The following SCLT1 variants were observed in gnomAD, a reference collection of about 807,000 sequenced individuals.
SCLT1 encodes sodium channel-associated protein 1.
Under a neutral mutation model 112.8 loss-of-function variants are expected in SCLT1, and 78 were observed. That is an observed-to-expected ratio of 0.69 (90% CI 0.58 to 0.83). The LOEUF (loss-of-function observed/expected upper bound fraction) is 0.83, where lower values mean the gene tolerates loss of function less well. SCLT1 is among the 40% of genes least tolerant of loss of function. SCLT1 has a pLI of 0.00. For missense variants in SCLT1, 747 were observed against 770.4 expected (o/e 0.97, Z 0.36); for synonymous variants, 257 against 254.7 (o/e 1.01, Z -0.09).
intron 2 of SCLT1, among the ~76,000 whole-genome samples, chr4:129,057,453 T>G (rs1007389835): frequency 6.7e-6 from 1 of 150,146 alleles, no homozygotes; most frequent in Non-Finnish European, 1.5e-5. Flanking sequence ...CCCAAGTAGC[T>G]AGGACTACAG....
chr4:128,904,155 A>G (rs1168684317), intron 18 of SCLT1, among the ~76,000 whole-genome samples: 2 of 152,154 alleles, frequency 1.3e-5, no homozygotes, highest in East Asian at 3.9e-4. Flanking sequence ...CAATTTCTCT[A>G]TAATTTCTGG....
In SCLT1 at chr4:128,931,168, G is replaced by A. The variant is rs192141627; in HGVS notation, c.1829+5487C>T. On this transcript the variant is annotated intron_variant, in intron 18 of 20. Coordinates refer to ENST00000281142, the MANE Select transcript of SCLT1 (RefSeq NM_144643.4). ...GAAACTAGGCAGAAGGTTTTTGGGG[G>A]GTTGGAAATTGTAATTTTTTTTTTC... Among the ~76,000 whole-genome samples, 4 of 151,654 alleles carry A rather than the reference G, an allele frequency of 2.6e-5. No homozygotes were observed. In the East Asian group the frequency reaches 7.8e-4, roughly 29 times the overall value.
intron 10 of SCLT1, among the ~76,000 whole-genome samples, chr4:128,967,204 T>G (rs1015205446): frequency 6.6e-6 from 1 of 152,250 alleles, no homozygotes; most frequent in African/African-American, 2.4e-5. Context: ...TTTTTATGGC[T>G]GTGTAGTATT....
intron 1 of SCLT1, among the ~76,000 whole-genome samples, chr4:129,087,755 TAAAA>T (rs71589026): frequency 7.7e-5 from 8 of 104,456 alleles, no homozygotes; most frequent in Admixed American, 1.0e-4. Context: ...TTGCGCAAGT[TAAAA>T]AAAAAAAAAA....
rs187959264 is a variant in SCLT1, at chr4:128,978,002, G to A, written c.687-7534C>T. ...ATGATGACTAGATTTGTGATCATCT[G>A]TACATAGAGCCAACACGAGCAGATG... On this transcript the variant is annotated intron_variant, in intron 9 of 20. Transcript: ENST00000281142. Among the ~76,000 whole-genome samples, 4 of 152,240 alleles carry A rather than the reference G, an allele frequency of 2.6e-5. No individual in the cohort carries two copies. In the East Asian group the frequency reaches 5.8e-4, roughly 22 times the overall value.
chr4:129,003,278 C>T (rs1247156409), intron 6 of SCLT1, among the ~76,000 whole-genome samples: 1 of 151,738 alleles, frequency 6.6e-6, no homozygotes, highest in Non-Finnish European at 1.5e-5. Context: ...ACACCAGGGC[C>T]TGTTGTGGGG....
chr4:129,023,924 T>C (rs1166606052), intron 5 of SCLT1, among the ~76,000 whole-genome samples: 2 of 152,034 alleles, frequency 1.3e-5, no homozygotes, highest in East Asian at 3.9e-4. Flanking sequence ...GCCCACGGAG[T>C]CTCGCTGATT....
chr4:129,004,205 T>C (rs568642330), intron 5 of SCLT1, among the ~76,000 whole-genome samples: 1 of 152,234 alleles, frequency 6.6e-6, no homozygotes, highest in East Asian at 1.9e-4. Flanking sequence ...AAATAAGCCA[T>C]TCAGAAAAAT....
At chr4:128,917,584 G>A (rs1210591109) in intron 18 of SCLT1, among the ~76,000 whole-genome samples, 2 of 152,024 alleles carry the variant, frequency 1.3e-5, no homozygotes, top group Non-Finnish European at 2.9e-5. Context: ...TGCTAAGTGA[G>A]GTGGGATACT....
chr4:129,090,789 AGGTGGAAGAAC>A (rs780116685), intron 1 of SCLT1, among the ~76,000 whole-genome samples: 2 of 152,184 alleles, frequency 1.3e-5, no homozygotes, highest in Non-Finnish European at 2.9e-5. Context: ...TCCCAGACAA[AGGTGGAAGAAC>A]GGTGCACAGC....
In SCLT1 at chr4:128,951,347, A is replaced by G. The variant is rs536976973; in HGVS notation, c.1218+1422T>C. Among the ~76,000 whole-genome samples, 6 of 152,284 alleles carry G rather than the reference A, an allele frequency of 3.9e-5. No individual in the cohort carries two copies. The South Asian group carries it at 1.0e-3, about 26-fold the overall frequency. Reference sequence around the variant, plus strand: ...TTCTCCCCATAGAATCAACATGACTATGAGATGTTTCATATCTTTAGAAAA... The same window carrying G: ...TTCTCCCCATAGAATCAACATGACTGTGAGATGTTTCATATCTTTAGAAAA... On this transcript the variant is annotated intron_variant, in intron 14 of 20. Transcript: ENST00000281142.
chr4:128,945,482 T>A lies in SCLT1; in HGVS notation c.1439+525A>T, dbSNP rs201887443. ...ATTAATTTAGGTATTAGTATTTAAT[T>A]AAAAATATATTTTGAACACATATAG... On this transcript the variant is annotated intron_variant, in intron 16 of 20. Transcript: ENST00000281142. 5.9e-5 allele frequency among the ~76,000 whole-genome samples: 9 copies of A among 152,288 alleles called. No individual in the cohort carries two copies. The East Asian group carries it at 1.5e-3, about 26-fold the overall frequency.
intron 5 of SCLT1, among the ~76,000 whole-genome samples, chr4:129,020,564 T>C (rs535875718): frequency 2.0e-5 from 3 of 152,234 alleles, no homozygotes; most frequent in Admixed American, 6.5e-5. Context: ...ATCAGTCTTT[T>C]GGCTGGAAAA....
At chr4:129,003,985 C>A in intron 5 of SCLT1, 109 bp from the exon 6 acceptor site, 1 of 930,864 alleles carries the variant, frequency 1.1e-6, no homozygotes, top group Admixed American at 2.4e-5. Flanking sequence ...TAAACAAAAT[C>A]ATTTTTAAGT....
chr4:128,925,185 G>A (rs1291411684), intron 18 of SCLT1, among the ~76,000 whole-genome samples: 2 of 152,096 alleles, frequency 1.3e-5, no homozygotes, highest in Non-Finnish European at 2.9e-5. Context: ...CTGAGTCAGA[G>A]GCATTCTGAT....
At chr4:128,907,622 T>G (rs13110855) in intron 18 of SCLT1, among the ~76,000 whole-genome samples, 22,150 of 152,156 alleles carry the variant, frequency 0.15, 1,899 homozygotes, top group Middle Eastern at 0.27. Flanking sequence ...ATGAAAATAC[T>G]CAGTAGAGAG....
At chr4:129,077,649 C>T (rs1470082715) in intron 2 of SCLT1, among the ~76,000 whole-genome samples, 1 of 152,118 alleles carries the variant, frequency 6.6e-6, no homozygotes. Context: ...AGGGGAAACA[C>T]AAATTTATAA....
intron 5 of SCLT1, among the ~76,000 whole-genome samples, chr4:129,007,093 C>T (rs929788117): frequency 2.6e-5 from 4 of 152,130 alleles, no homozygotes; most frequent in Non-Finnish European, 5.9e-5. Flanking sequence ...GCATAATTTT[C>T]ACTGTCATCA....
At position 129,064,662 on chromosome 4, in the gene SCLT1, C is replaced by A. The variant is rs137912351; in HGVS notation, c.102+17644G>T. Among the ~76,000 whole-genome samples the A allele has an allele frequency of 8.5e-4, 129 of 152,148 alleles. 1 individual carries two copies. The East Asian group carries it at 0.021, about 25-fold the overall frequency. On this transcript the variant is annotated intron_variant, in intron 2 of 20. Coordinates refer to ENST00000281142, the MANE Select transcript of SCLT1 (RefSeq NM_144643.4). ...ATATTCCTGAAATTAGATGTCCATC[C>A]TACAATTTTTATGTGTCTAATTTTT...
Sources: allele counts gnomAD v4.1 joint callset (sites outside exome capture counted in the v4.1 genomes callset), GRCh38; gene constraint gnomAD v4.1.1; transcripts MANE v1.5; gene names NCBI Gene and HGNC (gene_info 2026-07-23, HGNC 2026-07-21).